Variants in USP28 observed in about 807,000 individuals in gnomAD.
The protein encoded by USP28 is ubiquitin specific peptidase 28.
A neutral mutation model predicts 145.0 loss-of-function variants in USP28; 113 were observed. The ratio of observed to expected loss-of-function variants is 0.78; its 90% CI spans 0.67 to 0.91. The LOEUF (loss-of-function observed/expected upper bound fraction) is 0.91. USP28 is among the 40% of genes least tolerant of loss of function. The pLI, the probability that USP28 is intolerant of heterozygous loss-of-function variation, is 0.00. For missense variants in USP28, 1,201 were observed against 1,289.6 expected (o/e 0.93, Z 1.05); for synonymous variants, 447 against 450.9 (o/e 0.99, Z 0.11).
At chr11:113,807,212 A>G (rs1940142622) in intron 18 of USP28, among the ~76,000 whole-genome samples, 2 of 152,106 alleles carry the variant, frequency 1.3e-5, no homozygotes, top group African/African-American at 4.8e-5. Context: ...AGCTGGGATT[A>G]TAGGTGTATG....
chr11:113,831,924 C>CATT, exon 8 of USP28: 3 of 1,613,744 alleles, frequency 1.9e-6, no homozygotes, highest in Non-Finnish European at 2.5e-6. Flanking sequence ...ACTCACTTAA[C>CATT]ATTAACAGCT....
At chr11:113,874,373 C>A in intron 1 of USP28, 1 of 740,108 alleles carries the variant, frequency 1.4e-6, no homozygotes, top group Admixed American at 4.3e-5. Flanking sequence ...TGCAGTGAGC[C>A]GACATCGCGC....
At chr11:113,858,302 TC>T (rs1387794905) in intron 1 of USP28, among the ~76,000 whole-genome samples, 1 of 152,182 alleles carries the variant, frequency 6.6e-6, no homozygotes, top group Non-Finnish European at 1.5e-5. Flanking sequence ...CATTACCTGA[TC>T]CCCCCTTAGC....
intron 5 of USP28, among the ~76,000 whole-genome samples, chr11:113,839,173 G>A (rs1008192409): frequency 6.6e-6 from 1 of 152,198 alleles, no homozygotes; most frequent in Admixed American, 6.5e-5. Flanking sequence ...ACTCATTTAA[G>A]TTGGAGGATT....
At chr11:113,806,377 G>T in intron 19 of USP28, 112 bp downstream of exon 20, 1 of 842,108 alleles carries the variant, frequency 1.2e-6, no homozygotes, top group Non-Finnish European at 1.9e-6. Flanking sequence ...GGGACTACAT[G>T]CACACACCAC....
At chr11:113,810,034 CAAAAAAAAA>C (rs368686301) in intron 16 of USP28, among the ~76,000 whole-genome samples, 3 of 68,986 alleles carry the variant, frequency 4.3e-5, no homozygotes, top group East Asian at 4.3e-4. Context: ...GACTCCATCT[CAAAAAAAAA>C]AAAAAAAAAA....
intron 9 of USP28, 103 bp downstream of exon 9, chr11:113,830,764 C>T: frequency 1.9e-6 from 2 of 1,062,860 alleles, no homozygotes; most frequent in Non-Finnish European, 2.8e-6. Flanking sequence ...GAGCTGAGTA[C>T]TGCTGACTCT....
At chr11:113,804,734 T>C in exon 21 of USP28, 1 of 1,614,228 alleles carries the variant, frequency 6.2e-7, no homozygotes, top group Non-Finnish European at 8.5e-7. Context: ...TTGAGCCACC[T>C]TCATAATGCT....
At position 113,799,432 on chromosome 11, in the gene USP28, G is replaced by C; in HGVS notation, c.3059-17C>G. 2 of 1,609,240 alleles carry C rather than the reference G, an allele frequency of 1.2e-6. No individual in the cohort carries two copies. Among genetic ancestry groups the C allele is most frequent in the Non-Finnish European group, 1.7e-6 (2 of 1,178,644 alleles). ...GCAGATTTTCTGTGGAGGGAAAACA[G>C]ATGGTTACATATACAGCTAAACAGA... is the stretch of plus-strand genomic sequence containing the variant. On this transcript the variant is annotated splice_polypyrimidine_tract_variant and intron_variant, in intron 24 of 24. Transcript: ENST00000003302.
In USP28 at chr11:113,806,484, G is replaced by C. The variant is rs906928722; in HGVS notation, c.2400+5C>G. On this transcript the variant is annotated splice_donor_5th_base_variant and intron_variant, in intron 19 of 24. Transcript: ENST00000003302. ...TAAGAATTAGAATTTTAAAAACAGA[G>C]ATACCTTAATCAGCCCTGCTTCAGA... 2.5e-6 allele frequency: 4 copies of C among 1,608,614 alleles called. No individual in the cohort carries two copies. The highest frequency in any genetic ancestry group is 2.2e-5 in the South Asian group (2 of 90,866).
intron 2 of USP28, among the ~76,000 whole-genome samples, chr11:113,853,163 C>T (rs71477224): frequency 0.016 from 2,402 of 151,900 alleles, 31 homozygotes; most frequent in Non-Finnish European, 0.027. Flanking sequence ...ACTAGCCAGG[C>T]GTGAGTCCCA....
In USP28 at chr11:113,799,435, G is replaced by C. The variant is rs1938534976; in HGVS notation, c.3059-20C>G. ...GATTTTCTGTGGAGGGAAAACAGAT[G>C]GTTACATATACAGCTAAACAGATTT... On this transcript the variant is annotated intron_variant, in intron 24 of 24. Transcript: ENST00000003302. 1 of 1,609,300 alleles carries C rather than the reference G, an allele frequency of 6.2e-7. No individual in the cohort carries two copies. The highest frequency in any genetic ancestry group is 8.5e-7 in the Non-Finnish European group (1 of 1,178,008).
chr11:113,834,250 G>A (rs750086936), exon 6 of USP28: 41 of 1,609,510 alleles, frequency 2.5e-5, no homozygotes, highest in Non-Finnish European at 3.5e-5. Flanking sequence ...CCAACTTACT[G>A]TATGACTTCG....
At chr11:113,870,901 G>A (rs1221521230) in intron 1 of USP28, among the ~76,000 whole-genome samples, 1 of 152,204 alleles carries the variant, frequency 6.6e-6, no homozygotes, top group Non-Finnish European at 1.5e-5. Context: ...GAGGAGGAAG[G>A]TGGAGACAAC....
At chr11:113,826,113 T>C (rs1348469579) in intron 11 of USP28, among the ~76,000 whole-genome samples, 2 of 151,708 alleles carry the variant, frequency 1.3e-5, no homozygotes, top group African/African-American at 4.8e-5. Flanking sequence ...TGAAACCCCG[T>C]CTCTACTAAA....
intron 5 of USP28, among the ~76,000 whole-genome samples, chr11:113,839,934 T>C (rs1293676721): frequency 1.3e-5 from 2 of 152,094 alleles, no homozygotes; most frequent in Non-Finnish European, 2.9e-5. Flanking sequence ...GAGAATTGCT[T>C]AAACCTGGGA....
chr11:113,819,020 TA>T (rs1338042844), intron 12 of USP28, among the ~76,000 whole-genome samples: 1 of 151,574 alleles, frequency 6.6e-6, no homozygotes, highest in African/African-American at 2.4e-5. Context: ...CAAAAGTGGT[TA>T]AAAAAAAGAT....
intron 18 of USP28, among the ~76,000 whole-genome samples, chr11:113,807,017 A>G (rs1274512425): frequency 2.0e-5 from 3 of 152,182 alleles, no homozygotes; most frequent in Non-Finnish European, 4.4e-5. Flanking sequence ...CATTTAAAAT[A>G]GTCTGGAAAC....
At chr11:113,860,016 AAAC>A (rs1364450213) in intron 1 of USP28, among the ~76,000 whole-genome samples, 1 of 152,208 alleles carries the variant, frequency 6.6e-6, no homozygotes, top group Non-Finnish European at 1.5e-5. Flanking sequence ...CTTAGAGCAA[AAAC>A]AACTCACCCA....
Sources: gnomAD v4.1 joint callset for allele counts (sites outside exome capture counted in the v4.1 genomes callset) on GRCh38, gnomAD v4.1.1 for gene constraint, MANE v1.5 for transcripts, NCBI Gene and HGNC (gene_info 2026-07-23, HGNC 2026-07-21) for gene names.